LIFR: variants seen among roughly 807,000 people sequenced by gnomAD.
The protein encoded by LIFR is leukemia inhibitory factor receptor.
LIFR carries 84 observed loss-of-function variants against 122.2 expected under a neutral mutation model. The observed-to-expected ratio is 0.69, with a 90% confidence interval of 0.58 to 0.82. LIFR has a LOEUF of 0.82. Ranked by LOEUF, LIFR falls within the 40% of genes least tolerant of loss-of-function variation. The pLI, the probability that LIFR is intolerant of heterozygous loss-of-function variation, is 0.00. For synonymous variants in LIFR, 422 were observed against 434.7 expected (o/e 0.97, Z 0.36); for missense variants, 1,294 against 1,311.6 (o/e 0.99, Z 0.21).
At chr5:38,519,736 T>C (rs908942648) in intron 5 of LIFR, among the ~76,000 whole-genome samples, 2 of 152,236 alleles carry the variant, frequency 1.3e-5, no homozygotes, top group African/African-American at 4.8e-5. Context: ...TATCTTTCTG[T>C]GCCTGGCTTA....
chr5:38,534,083 T>A (rs189674705), intron 1 of LIFR, among the ~76,000 whole-genome samples: 1 of 152,260 alleles, frequency 6.6e-6, no homozygotes, highest in Non-Finnish European at 1.5e-5. Context: ...ACAAGTGCAA[T>A]CACACAGGCA....
chr5:38,550,187 G>A (rs967576034), intron 1 of LIFR: 4 of 800,766 alleles, frequency 5.0e-6, no homozygotes, highest in Non-Finnish European at 6.0e-6. Flanking sequence ...AACAGCATTT[G>A]AAAGTGACAA....
At chr5:38,600,977 A>T (rs1750211736) in intron 2 of LIFR, among the ~76,000 whole-genome samples, 1 of 152,236 alleles carries the variant, frequency 6.6e-6, no homozygotes, top group South Asian at 2.1e-4. Context: ...AACAGGACAC[A>T]CAGGGGTAAC....
chr5:38,549,944 T>C (rs534122631), intron 1 of LIFR, among the ~76,000 whole-genome samples: 33 of 152,324 alleles, frequency 2.2e-4, no homozygotes, highest in African/African-American at 7.0e-4. Flanking sequence ...TCCCAGTAAG[T>C]AGGCTTCTTA....
intron 7 of LIFR, among the ~76,000 whole-genome samples, chr5:38,507,237 A>ATT (rs373551085): frequency 6.9e-6 from 1 of 143,978 alleles, no homozygotes; most frequent in South Asian, 2.2e-4. Context: ...ATTAAAAGAA[A>ATT]TTTTTTTTTT....
chr5:38,601,996 C>T (rs975379311), intron 2 of LIFR, among the ~76,000 whole-genome samples: 9 of 152,162 alleles, frequency 5.9e-5, no homozygotes, highest in Non-Finnish European at 7.3e-5. Context: ...AACCTTTCTC[C>T]GTGTGTGAGT....
intron 4 of LIFR, among the ~76,000 whole-genome samples, chr5:38,524,619 G>A (rs751381996): frequency 3.9e-5 from 6 of 152,160 alleles, no homozygotes; most frequent in Admixed American, 6.6e-5. Context: ...AAAAGGAATC[G>A]GGAATCACTG....
chr5:38,567,163 G>A (rs546058528), intron 1 of LIFR, among the ~76,000 whole-genome samples: 31 of 152,258 alleles, frequency 2.0e-4, no homozygotes, highest in African/African-American at 2.6e-4. Flanking sequence ...CACTGCGTTC[G>A]TTGAAAGGAA....
intron 1 of LIFR, among the ~76,000 whole-genome samples, chr5:38,589,769 C>G (rs995845055): frequency 1.3e-5 from 2 of 149,792 alleles, no homozygotes; most frequent in Admixed American, 1.3e-4. Context: ...CCTTCTTTGT[C>G]CTCGAGCAGA....
At position 38,481,104 on chromosome 5, in the gene LIFR, T is replaced by G. The variant is rs1039047142; in HGVS notation, c.*491A>C. On this transcript the variant is annotated 3_prime_UTR_variant, in exon 20 of 20. Transcript: ENST00000453190. The stretch of plus-strand genomic sequence containing the variant: ...TGCTGTGGATAGAGGAGAATAATCT[T>G]AGAAGTTTTAAAATCTGTGCTTGGT... 3.2e-5 allele frequency: 8 copies of G among 248,898 alleles called. No homozygotes were observed. The highest frequency in any genetic ancestry group is 6.3e-5 in the Non-Finnish European group (8 of 127,190). 15.4% of individuals were successfully genotyped at this position (248,898 alleles called of 1,614,324 possible).
intron 1 of LIFR, among the ~76,000 whole-genome samples, chr5:38,534,707 C>G (rs561102113): frequency 6.6e-6 from 1 of 152,214 alleles, no homozygotes; most frequent in South Asian, 2.1e-4. Context: ...GGAATAAGAA[C>G]AACATCAGAA....
At chr5:38,530,785 C>T in intron 1 of LIFR, 119 bp from the exon 2 acceptor site, 1 of 929,874 alleles carries the variant, frequency 1.1e-6, no homozygotes, top group South Asian at 1.4e-5. Flanking sequence ...CATTTAGAGA[C>T]TTTGGAGATA....
intron 7 of LIFR, among the ~76,000 whole-genome samples, chr5:38,508,855 A>G (rs1448803781): frequency 6.6e-6 from 1 of 152,118 alleles, no homozygotes. Flanking sequence ...AAGCGCTGGG[A>G]TTACAGGCGT....
At chr5:38,541,211 A>G (rs567178913) in intron 1 of LIFR, among the ~76,000 whole-genome samples, 4 of 152,354 alleles carry the variant, frequency 2.6e-5, no homozygotes, top group Admixed American at 2.6e-4. Context: ...TATGAAAAAC[A>G]TAACAGCACC....
intron 1 of LIFR, among the ~76,000 whole-genome samples, chr5:38,555,382 A>T (rs548636346): frequency 6.6e-6 from 1 of 152,178 alleles, no homozygotes. Flanking sequence ...GTTTGCCTTA[A>T]ATTTAATTTC....
At chr5:38,608,068 T>C (rs1240243829) in intron 1 of LIFR, 1 of 152,158 alleles carries the variant, frequency 6.6e-6, no homozygotes, top group Non-Finnish European at 1.5e-5. Flanking sequence ...CATAGTGATA[T>C]AAGCATCATT....
chr5:38,528,896 A>C lies in LIFR; in HGVS notation c.143-56T>G, dbSNP rs1338223395. ...CACACACAGACACACATAAACACAG[A>C]ATATGCTGAATAAGTCAACTGCACT... On this transcript the variant is annotated intron_variant, in intron 2 of 19. Coordinates refer to ENST00000453190, the MANE Select transcript of LIFR (RefSeq NM_001127671.2). 4.0e-6 allele frequency: 4 copies of C among 1,009,474 alleles called. No homozygotes were observed. The African/African-American group carries it at 6.5e-5, about 16-fold the overall frequency. The allele number at this position is 1,009,474 out of a possible 1,614,324, so 62.5% of individuals were successfully genotyped here. A position where few individuals can be genotyped will look rare whatever the true frequency, so the allele number is the denominator to read the frequency against.
intron 16 of LIFR, 59 bp from the exon 17 acceptor site, chr5:38,486,039 A>T: frequency 6.7e-7 from 1 of 1,492,898 alleles, no homozygotes; most frequent in South Asian, 1.1e-5. Context: ...ATGCATGGTT[A>T]CCCACACCTG....
At chr5:38,553,431 T>C (rs980888123) in intron 1 of LIFR, among the ~76,000 whole-genome samples, 4 of 151,660 alleles carry the variant, frequency 2.6e-5, no homozygotes, top group Non-Finnish European at 5.9e-5. Flanking sequence ...GCTGAGATTA[T>C]AGCAGGGTCT....
Sources: gnomAD v4.1 joint callset for allele counts (sites outside exome capture counted in the v4.1 genomes callset) on GRCh38, gnomAD v4.1.1 for gene constraint, MANE v1.5 for transcripts, NCBI Gene and HGNC (gene_info 2026-07-23, HGNC 2026-07-21) for gene names.